Variants in DLGAP2 observed in about 807,000 individuals in gnomAD.
DLGAP2 encodes DLG associated protein 2.
DLGAP2 carries 26 observed loss-of-function variants against 100.3 expected under a neutral mutation model. The observed-to-expected ratio is 0.26, with a 90% CI of 0.19 to 0.36. The LOEUF (loss-of-function observed/expected upper bound fraction) is 0.36, where lower values mean the gene tolerates loss of function less well. Ranked by LOEUF, DLGAP2 falls within the 10% of genes least tolerant of loss-of-function variation. DLGAP2 has a pLI of 1.00. For missense variants in DLGAP2, 1,858 were observed against 1,453.2 expected, an observed-to-expected ratio of 1.28 and a Z score of -4.53; for synonymous variants, 886 against 630.1, an observed-to-expected ratio of 1.41 and a Z score of -6.08.
chr8:1,588,893 A>G (rs6558490), intron 6 of DLGAP2, among the ~76,000 whole-genome samples: 80,274 of 151,974 alleles, frequency 0.53, 21,979 homozygotes, highest in African/African-American at 0.68. Flanking sequence ...CTGCACTCCA[A>G]CCTGGGCGAC....
chr8:809,364 T>G (rs937077520), intron 1 of DLGAP2, among the ~76,000 whole-genome samples: 1 of 152,208 alleles, frequency 6.6e-6, no homozygotes, highest in Non-Finnish European at 1.5e-5. Context: ...ATCTTTTGAC[T>G]TTTACCTACA....
At chr8:1,270,322 T>C (rs1799554871) in intron 3 of DLGAP2, among the ~76,000 whole-genome samples, 1 of 152,046 alleles carries the variant, frequency 6.6e-6, no homozygotes, top group African/African-American at 2.4e-5. Flanking sequence ...TGTCCAGAAA[T>C]AGAAGGAAAA....
chr8:920,686 G>T (rs1005472178), intron 2 of DLGAP2, among the ~76,000 whole-genome samples: 2 of 152,180 alleles, frequency 1.3e-5, no homozygotes, highest in Admixed American at 6.5e-5. Flanking sequence ...AGGAGGCAGA[G>T]GCTGCAGTGA....
At chr8:1,684,427 G>A (rs937522222) in intron 12 of DLGAP2, among the ~76,000 whole-genome samples, 13 of 152,004 alleles carry the variant, frequency 8.6e-5, no homozygotes, top group African/African-American at 3.1e-4. Flanking sequence ...AGCAGATACA[G>A]GGTTATTGGT....
chr8:968,955 C>G (rs1345098872), intron 2 of DLGAP2, among the ~76,000 whole-genome samples: 2 of 152,164 alleles, frequency 1.3e-5, no homozygotes, highest in African/African-American at 2.4e-5. Flanking sequence ...AGTCACAGTT[C>G]CCGCGAACCA....
chr8:869,006 C>T (rs186346018), intron 1 of DLGAP2, among the ~76,000 whole-genome samples: 48 of 152,332 alleles, frequency 3.2e-4, no homozygotes, highest in Middle Eastern at 6.8e-3. Context: ...CTTTGATCCA[C>T]AGAAAAGGCT....
At chr8:1,567,253 A>G (rs1443566646) in intron 6 of DLGAP2, among the ~76,000 whole-genome samples, 2 of 152,202 alleles carry the variant, frequency 1.3e-5, no homozygotes, top group Admixed American at 6.5e-5. Flanking sequence ...CCCACCTTTT[A>G]TTTGGCACAC....
At chr8:924,567 C>T (rs11781804) in intron 2 of DLGAP2, among the ~76,000 whole-genome samples, 9,710 of 151,896 alleles carry the variant, frequency 0.064, 367 homozygotes, top group Admixed American at 0.092. Flanking sequence ...ATGCTTATCC[C>T]GGTTATTCTT....
At chr8:1,317,365 C>A (rs1253363167) in intron 3 of DLGAP2, among the ~76,000 whole-genome samples, 1 of 106,446 alleles carries the variant, frequency 9.4e-6, no homozygotes, top group East Asian at 3.1e-4. Context: ...TCGAGAAACT[C>A]GGCAGCTTTT....
intron 1 of DLGAP2, among the ~76,000 whole-genome samples, chr8:893,876 A>T (rs190708893): frequency 6.6e-6 from 1 of 152,234 alleles, no homozygotes; most frequent in East Asian, 1.9e-4. Context: ...GACAATGCGG[A>T]TGTGGTTGTC....
At chr8:1,222,563 A>G (rs1174671597) in intron 2 of DLGAP2, among the ~76,000 whole-genome samples, 2 of 151,578 alleles carry the variant, frequency 1.3e-5, no homozygotes, top group Non-Finnish European at 2.9e-5. Flanking sequence ...ACATGCATGT[A>G]TGTGCTGGCA....
At chr8:1,246,366 C>T (rs899070517) in intron 2 of DLGAP2, among the ~76,000 whole-genome samples, 8 of 152,152 alleles carry the variant, frequency 5.3e-5, no homozygotes, top group East Asian at 1.9e-4. Flanking sequence ...AGGCACTAAC[C>T]GCTTTCCCAT....
At chr8:1,617,799 C>T (rs193095865) in intron 6 of DLGAP2, among the ~76,000 whole-genome samples, 3 of 152,132 alleles carry the variant, frequency 2.0e-5, no homozygotes, top group Admixed American at 6.5e-5. Context: ...ACAGCCAATA[C>T]GAGCTAAAGC....
intron 3 of DLGAP2, among the ~76,000 whole-genome samples, chr8:1,411,524 G>C (rs34071461): frequency 0.01 from 1,558 of 152,110 alleles, 30 homozygotes; most frequent in African/African-American, 0.035. Flanking sequence ...CAGGAAGACG[G>C]AGTCATAAAC....
intron 6 of DLGAP2, among the ~76,000 whole-genome samples, chr8:1,578,921 A>G (rs1460920419): frequency 6.6e-6 from 1 of 152,230 alleles, no homozygotes; most frequent in Non-Finnish European, 1.5e-5. Flanking sequence ...CGTGCAGAGC[A>G]CCACTTAGAA....
chr8:1,338,131 C>T lies in DLGAP2; in HGVS notation c.106+79248C>T, dbSNP rs528939718. 1.2e-4 allele frequency among the ~76,000 whole-genome samples: 19 copies of T among 152,364 alleles called. No individual in the cohort carries two copies. The South Asian group carries it at 3.3e-3, about 27-fold the overall frequency. On this transcript the variant is annotated intron_variant, in intron 3 of 14. Coordinates refer to ENST00000637795, the MANE Select transcript of DLGAP2 (RefSeq NM_001346810.2). ...CATGTGGTTTAGTTAGGAAATTCCA[C>T]ACAAAGTTAAACAGACAGTTACCTT...
rs529472082 is a variant in DLGAP2, at chr8:1,542,841, C to T, written c.173-5785C>T. On this transcript the variant is annotated intron_variant, in intron 4 of 14. Transcript: ENST00000637795. Reference sequence around the variant, plus strand: ...CTGTTCTCCCTTCCCCAGCAGCGTGCGAGGTTCCAGTTTCTCTGCATCTTC... The same window carrying T: ...CTGTTCTCCCTTCCCCAGCAGCGTGTGAGGTTCCAGTTTCTCTGCATCTTC... Among the ~76,000 whole-genome samples the T allele has an allele frequency of 3.3e-5, 5 of 152,242 alleles. No homozygotes were observed. In the South Asian group the frequency reaches 8.3e-4, roughly 25 times the overall value.
intron 3 of DLGAP2, among the ~76,000 whole-genome samples, chr8:1,372,823 A>G (rs1387399820): frequency 3.9e-5 from 6 of 152,334 alleles, no homozygotes; most frequent in African/African-American, 1.2e-4. Flanking sequence ...CGTTAGATAC[A>G]GCCACATCAA....
intron 2 of DLGAP2, among the ~76,000 whole-genome samples, chr8:921,575 GTC>G (rs1798716172): frequency 6.6e-6 from 1 of 152,250 alleles, no homozygotes; most frequent in Admixed American, 6.5e-5. Flanking sequence ...CCCATAGACA[GTC>G]TGTGGGATTG....
Sources: allele counts gnomAD v4.1 joint callset (sites outside exome capture counted in the v4.1 genomes callset), GRCh38; gene constraint gnomAD v4.1.1; transcripts MANE v1.5; gene names NCBI Gene and HGNC (gene_info 2026-07-23, HGNC 2026-07-21).